Variants in KIAA0825 observed in about 807,000 individuals in gnomAD.
The protein encoded by KIAA0825 is uncharacterized protein KIAA0825.
In KIAA0825, 119 loss-of-function variants were observed where a neutral mutation model predicts 147.6. That is an observed-to-expected ratio of 0.81 (90% CI 0.69 to 0.94). The LOEUF is 0.94. Among genes scored for constraint, KIAA0825 ranks in the 40% least tolerant of loss-of-function variants. The pLI, the probability that KIAA0825 is intolerant of heterozygous loss-of-function variation, is 0.00. For synonymous variants in KIAA0825, 470 were observed against 518.1 expected, an observed-to-expected ratio of 0.91 and a Z score of 1.26; for missense variants, 1,381 against 1,472.7, an observed-to-expected ratio of 0.94 and a Z score of 1.02.
chr5:94,535,104 T>C lies in KIAA0825; in HGVS notation c.131+1892A>G, dbSNP rs182530891. Among the ~76,000 whole-genome samples the C allele has an allele frequency of 1.2e-3, 190 of 152,236 alleles. 9 individuals are homozygous for C. The East Asian group carries it at 0.024, about 20-fold the overall frequency. ...TATATAATGTGTATATATATAGGTA[T>C]AGTATAAAGGGCAAATACAAATTAA... On this transcript the variant is annotated intron_variant, in intron 3 of 20. Transcript: ENST00000682413.
intron 5 of KIAA0825, among the ~76,000 whole-genome samples, chr5:94,509,373 G>A (rs1386612820): frequency 1.3e-5 from 2 of 152,098 alleles, no homozygotes; most frequent in Admixed American, 6.5e-5. Flanking sequence ...TTCCTATTTA[G>A]TAGCCCTGTT....
At chr5:94,162,659 C>T (rs1295487060) in intron 20 of KIAA0825, among the ~76,000 whole-genome samples, 2 of 152,144 alleles carry the variant, frequency 1.3e-5, no homozygotes, top group African/African-American at 4.8e-5. Context: ...AGAGAAATTG[C>T]AGATAGATGT....
intron 20 of KIAA0825, among the ~76,000 whole-genome samples, chr5:94,187,709 G>A (rs2149993014): frequency 6.6e-6 from 1 of 152,212 alleles, no homozygotes; most frequent in Non-Finnish European, 1.5e-5. Context: ...ACAGGCATGA[G>A]CCACCGCGCC....
intron 4 of KIAA0825, among the ~76,000 whole-genome samples, chr5:94,522,253 A>G (rs527271724): frequency 7.7e-4 from 116 of 151,620 alleles, no homozygotes; most frequent in African/African-American, 2.7e-3. Context: ...TTTCTGCTAC[A>G]CTCCAGAGAG....
intron 2 of KIAA0825, among the ~76,000 whole-genome samples, chr5:94,576,502 G>C (rs73132669): frequency 0.12 from 17,702 of 152,046 alleles, 1,183 homozygotes; most frequent in East Asian, 0.23. Context: ...GCTCAGCCAC[G>C]TCACCATGTG....
chr5:94,407,547 G>C (rs1752222045), intron 15 of KIAA0825, among the ~76,000 whole-genome samples: 1 of 152,090 alleles, frequency 6.6e-6, no homozygotes, highest in African/African-American at 2.4e-5. Flanking sequence ...CTACAACATG[G>C]ATTAACCTTG....
chr5:94,515,666 C>G (rs943125225), intron 5 of KIAA0825, among the ~76,000 whole-genome samples: 2 of 151,888 alleles, frequency 1.3e-5, no homozygotes, highest in South Asian at 4.2e-4. Context: ...GTGGCAGGCG[C>G]CTGTGATCCC....
At chr5:94,208,456 T>A (rs1180577855) in intron 20 of KIAA0825, among the ~76,000 whole-genome samples, 1 of 152,228 alleles carries the variant, frequency 6.6e-6, no homozygotes, top group Non-Finnish European at 1.5e-5. Flanking sequence ...TGCTATGAGA[T>A]GTTAACAGAC....
chr5:94,591,114 C>G (rs781604854), intron 1 of KIAA0825, among the ~76,000 whole-genome samples: 1 of 151,854 alleles, frequency 6.6e-6, no homozygotes, highest in Non-Finnish European at 1.5e-5. Flanking sequence ...AAATATAAAC[C>G]CACAAAAATG....
chr5:94,575,519 A>G (rs1780850312), intron 2 of KIAA0825, among the ~76,000 whole-genome samples: 1 of 152,248 alleles, frequency 6.6e-6, no homozygotes, highest in African/African-American at 2.4e-5. Flanking sequence ...TTCACCAGAG[A>G]AACTAAACAG....
chr5:94,610,188 G>C (rs2152436607), intron 1 of KIAA0825, among the ~76,000 whole-genome samples: 1 of 152,160 alleles, frequency 6.6e-6, no homozygotes, highest in Middle Eastern at 3.4e-3. Flanking sequence ...GGGAGGCCAA[G>C]GCGAGTGGAT....
At chr5:94,606,997 T>A (rs894257861) in intron 1 of KIAA0825, among the ~76,000 whole-genome samples, 1 of 152,174 alleles carries the variant, frequency 6.6e-6, no homozygotes, top group Admixed American at 6.5e-5. Flanking sequence ...AAGCCATTCA[T>A]GAGGGACCTG....
In KIAA0825 at chr5:94,152,721, G is replaced by A. The variant is rs1182693516; in HGVS notation, c.*1286C>T. Among the ~76,000 whole-genome samples, 8 of 145,206 alleles carry A rather than the reference G, an allele frequency of 5.5e-5. No homozygotes were observed. Among genetic ancestry groups the A allele is most frequent in the Non-Finnish European group, 9.0e-5 (6 of 66,418 alleles). Reference sequence around the variant, plus strand: ...TTCTAGCTACTCAGGAGGCTGAGGTGGGAGTATTGCTTGAGCCTATGAGTT... The same window carrying A: ...TTCTAGCTACTCAGGAGGCTGAGGTAGGAGTATTGCTTGAGCCTATGAGTT... On this transcript the variant is annotated 3_prime_UTR_variant, in exon 21 of 21. Coordinates refer to ENST00000682413, the MANE Select transcript of KIAA0825 (RefSeq NM_001145678.3).
chr5:94,193,216 G>A (rs993001698), intron 20 of KIAA0825, among the ~76,000 whole-genome samples: 6 of 152,266 alleles, frequency 3.9e-5, no homozygotes, highest in Admixed American at 6.5e-5. Context: ...CCATGAGGGC[G>A]TGCCAGAACC....
In KIAA0825 at chr5:94,391,529, C is replaced by T; in HGVS notation, c.3456+6G>A. 2 of 1,549,656 alleles carry T rather than the reference C, an allele frequency of 1.3e-6. No individual in the cohort carries two copies. Among genetic ancestry groups the T allele is most frequent in the African/African-American group, 1.4e-5 (1 of 73,138 alleles). On this transcript the variant is annotated splice_donor_region_variant and intron_variant, in intron 18 of 20. Transcript: ENST00000682413. ...TAATTGCTCGATAAAAAGGCCGTTT[C>T]CCTACCTCATTGAGCTGCATGATGT...
intron 14 of KIAA0825, 106 bp downstream of exon 14, chr5:94,439,876 T>C (rs977967268): frequency 8.7e-7 from 1 of 1,153,172 alleles, no homozygotes; most frequent in Non-Finnish European, 1.2e-6. Context: ...TGATACATGC[T>C]ATTGGTTTAC....
chr5:94,573,936 A>G (rs1780470317), intron 2 of KIAA0825, among the ~76,000 whole-genome samples: 1 of 152,214 alleles, frequency 6.6e-6, no homozygotes, highest in African/African-American at 2.4e-5. Flanking sequence ...CAGACCTCTT[A>G]GAAATTTGGG....
At position 94,440,138 on chromosome 5, in the gene KIAA0825, T is replaced by C. The variant is rs1006789264; in HGVS notation, c.2358-17A>G. 5 of 1,549,738 alleles carry C rather than the reference T, an allele frequency of 3.2e-6. No individual in the cohort carries two copies. The highest frequency in any genetic ancestry group is 1.4e-5 in the African/African-American group (1 of 72,906). ...GATGGAGTCCTTTCAAAATGCAAGA[T>C]AAAGATGGAGTAATGAAGTTAATTT... is the stretch of plus-strand genomic sequence containing the variant. On this transcript the variant is annotated splice_polypyrimidine_tract_variant and intron_variant, in intron 13 of 20. Coordinates refer to ENST00000682413, the MANE Select transcript of KIAA0825 (RefSeq NM_001145678.3).
At chr5:94,334,675 G>C (rs565310531) in intron 20 of KIAA0825, among the ~76,000 whole-genome samples, 1 of 152,020 alleles carries the variant, frequency 6.6e-6, no homozygotes. Context: ...GTAGAGACAG[G>C]GTTTCACCAT....
Sources: gnomAD v4.1 joint callset for allele counts (sites outside exome capture counted in the v4.1 genomes callset) on GRCh38, gnomAD v4.1.1 for gene constraint, MANE v1.5 for transcripts, NCBI Gene and HGNC (gene_info 2026-07-23, HGNC 2026-07-21) for gene names.